The following CSMD1 variants were observed in gnomAD, a reference collection of about 807,000 sequenced individuals.
CSMD1 encodes CUB and sushi domain-containing protein 1.
In CSMD1, 213 loss-of-function variants were observed where a neutral mutation model predicts 417.5. The ratio of observed to expected loss-of-function variants is 0.51; its 90% CI spans 0.46 to 0.57. CSMD1 has a LOEUF of 0.57. Among genes scored for constraint, CSMD1 ranks in the 20% least tolerant of loss-of-function variants. CSMD1 has a pLI of 0.00. For missense variants in CSMD1, 6,923 were observed against 4,529.7 expected (o/e 1.53, Z -15.17); for synonymous variants, 2,862 against 1,736.8 (o/e 1.65, Z -16.11).
intron 3 of CSMD1, among the ~76,000 whole-genome samples, chr8:4,253,699 C>T (rs1392685076): frequency 1.3e-5 from 2 of 151,578 alleles, no homozygotes; most frequent in Non-Finnish European, 2.9e-5. Context: ...ATAAAATTTG[C>T]CAACTAAGTA....
rs965457916 is a variant in CSMD1, at chr8:4,052,030, G to C, written c.416-19931C>G. 6.6e-5 allele frequency among the ~76,000 whole-genome samples: 10 copies of C among 151,982 alleles called. No homozygotes were observed. In the South Asian group the frequency reaches 1.2e-3, roughly 19 times the overall value. On this transcript the variant is annotated intron_variant, in intron 3 of 69. Coordinates refer to ENST00000635120, the MANE Select transcript of CSMD1 (RefSeq NM_033225.6). ...AACCTCTGTCTCCCTGTCATATACA[G>C]GTTCAAGGGATTATCCTGCCTCAGC...
intron 3 of CSMD1, among the ~76,000 whole-genome samples, chr8:4,304,095 G>C (rs550395730): frequency 6.6e-6 from 1 of 152,168 alleles, no homozygotes; most frequent in African/African-American, 2.4e-5. Flanking sequence ...CCATTGTGTT[G>C]TCTTATAAAA....
chr8:4,917,793 G>C (rs1471641271), intron 1 of CSMD1, among the ~76,000 whole-genome samples: 1 of 152,200 alleles, frequency 6.6e-6, no homozygotes, highest in African/African-American at 2.4e-5. Flanking sequence ...AATGTGAAAA[G>C]TGTTGCAAGA....
At chr8:4,463,225 A>G in intron 2 of CSMD1, among the ~76,000 whole-genome samples, 1 of 152,168 alleles carries the variant, frequency 6.6e-6, no homozygotes, top group East Asian at 1.9e-4. Context: ...TGCAAATCAA[A>G]GACGTACTGA....
At position 4,016,076 on chromosome 8, in the gene CSMD1, T is replaced by C. The variant is rs553221088; in HGVS notation, c.610+15829A>G. Among the ~76,000 whole-genome samples, 106 of 152,274 alleles carry C rather than the reference T, an allele frequency of 7.0e-4. 1 individual carries two copies. The highest frequency in any genetic ancestry group is 2.5e-3 in the African/African-American group (102 of 41,530). ...AATGTGATTCCATATCTGGAAAATC[T>C]ACCCATTAATATTTACCAGGAAATT... On this transcript the variant is annotated intron_variant, in intron 4 of 69. Transcript: ENST00000635120.
intron 5 of CSMD1, among the ~76,000 whole-genome samples, chr8:3,905,481 C>A (rs944444864): frequency 6.6e-6 from 1 of 152,202 alleles, no homozygotes. Context: ...CGGTGACTTT[C>A]CTACGTGTGA....
At chr8:3,545,450 C>T (rs10097078) in intron 10 of CSMD1, among the ~76,000 whole-genome samples, 7,197 of 152,246 alleles carry the variant, frequency 0.047, 491 homozygotes, top group African/African-American at 0.15. Context: ...AGGTGCAAAA[C>T]AGAAGGTAAA....
intron 50 of CSMD1, among the ~76,000 whole-genome samples, chr8:3,050,197 T>C (rs1811727452): frequency 6.6e-6 from 1 of 151,764 alleles, no homozygotes; most frequent in Non-Finnish European, 1.5e-5. Context: ...ACATTTACTT[T>C]AAATCTCTCT....
chr8:3,813,539 A>C (rs935409169), intron 5 of CSMD1, among the ~76,000 whole-genome samples: 4 of 152,210 alleles, frequency 2.6e-5, no homozygotes, highest in Non-Finnish European at 4.4e-5. Context: ...CATCTACTCT[A>C]ATATAACACA....
At chr8:4,718,907 G>A (rs74556068) in intron 1 of CSMD1, among the ~76,000 whole-genome samples, 16,369 of 152,008 alleles carry the variant, frequency 0.11, 1,517 homozygotes, top group African/African-American at 0.25. Flanking sequence ...CTATGACATT[G>A]TATTAAAAAA....
intron 5 of CSMD1, among the ~76,000 whole-genome samples, chr8:3,987,873 T>G (rs1412495079): frequency 6.6e-6 from 1 of 152,186 alleles, no homozygotes; most frequent in Non-Finnish European, 1.5e-5. Context: ...GGGTCCAATC[T>G]GTTTGGCACA....
intron 1 of CSMD1, among the ~76,000 whole-genome samples, chr8:4,945,996 T>C (rs1033398198): frequency 1.3e-5 from 2 of 152,148 alleles, no homozygotes; most frequent in African/African-American, 2.4e-5. Context: ...GGTAGAGACC[T>C]GTAATAAGAA....
intron 2 of CSMD1, among the ~76,000 whole-genome samples, chr8:4,537,802 C>T (rs938040398): frequency 1.3e-5 from 2 of 152,110 alleles, no homozygotes; most frequent in African/African-American, 2.4e-5. Flanking sequence ...CTCTCAGGGC[C>T]GTGTTTATCC....
intron 3 of CSMD1, among the ~76,000 whole-genome samples, chr8:4,069,586 G>A (rs73187986): frequency 1.3e-5 from 2 of 152,234 alleles, no homozygotes; most frequent in East Asian, 1.9e-4. Flanking sequence ...GATGTATCTT[G>A]GGCCAGTGGC....
chr8:4,880,166 G>T (rs1259707142), intron 1 of CSMD1, among the ~76,000 whole-genome samples: 2 of 151,620 alleles, frequency 1.3e-5, no homozygotes, highest in Non-Finnish European at 2.9e-5. Flanking sequence ...TCCCAGACAT[G>T]TGGCTGAATT....
At chr8:3,208,753 T>A (rs756410494) in intron 30 of CSMD1, among the ~76,000 whole-genome samples, 2 of 152,154 alleles carry the variant, frequency 1.3e-5, no homozygotes, top group African/African-American at 4.8e-5. Context: ...GGCTAGAATA[T>A]AAGCAGGCAG....
At chr8:4,296,780 T>C (rs146200120) in intron 3 of CSMD1, among the ~76,000 whole-genome samples, 349 of 150,432 alleles carry the variant, frequency 2.3e-3, no homozygotes, top group African/African-American at 5.5e-3. Context: ...AATAGCTTTA[T>C]GCTGGTGAAA....
At chr8:4,114,074 G>C (rs906454196) in intron 3 of CSMD1, among the ~76,000 whole-genome samples, 2 of 152,174 alleles carry the variant, frequency 1.3e-5, no homozygotes, top group Admixed American at 6.5e-5. Flanking sequence ...TTTCCATGTA[G>C]ACAAAACAGC....
At chr8:4,331,896 A>G (rs1445934201) in intron 3 of CSMD1, among the ~76,000 whole-genome samples, 7 of 152,126 alleles carry the variant, frequency 4.6e-5, no homozygotes, top group East Asian at 1.9e-4. Flanking sequence ...GAGTTTAACT[A>G]TGGAAAAGCC....
Sources: gnomAD v4.1 joint callset for allele counts (sites outside exome capture counted in the v4.1 genomes callset) on GRCh38, gnomAD v4.1.1 for gene constraint, MANE v1.5 for transcripts, NCBI Gene and HGNC (gene_info 2026-07-23, HGNC 2026-07-21) for gene names.